CFDP1: variants seen among roughly 807,000 people sequenced by gnomAD.
The protein encoded by CFDP1 is chromatin remodeling protein CFDP1, also known as heterochromatin-stabilizing protein CFDP1.
In CFDP1, 31 loss-of-function variants were observed where a neutral mutation model predicts 40.1. The observed-to-expected ratio is 0.77, with a 90% CI of 0.58 to 1.04. The LOEUF (loss-of-function observed/expected upper bound fraction) is 1.04, where lower values mean the gene tolerates loss of function less well. Ranked by LOEUF, CFDP1 falls within the 50% of genes least tolerant of loss-of-function variation. CFDP1 has a pLI of 0.00. For missense variants in CFDP1, 423 were observed against 343.4 expected (o/e 1.23, Z -1.83); for synonymous variants, 167 against 120.0 (o/e 1.39, Z -2.56).
At chr16:75,400,471 A>G (rs767898677) in intron 4 of CFDP1, among the ~76,000 whole-genome samples, 12 of 152,172 alleles carry the variant, frequency 7.9e-5, no homozygotes, top group Admixed American at 4.6e-4. Context: ...CTTTCGAGGT[A>G]GAGGAAAGGA....
At chr16:75,430,227 G>A (rs1003014628) in intron 1 of CFDP1, among the ~76,000 whole-genome samples, 51 of 150,380 alleles carry the variant, frequency 3.4e-4, no homozygotes, top group African/African-American at 1.2e-3. Flanking sequence ...CTGGAGTGCA[G>A]TGGCGCAACC....
intron 4 of CFDP1, among the ~76,000 whole-genome samples, chr16:75,395,428 A>G (rs968157816): frequency 6.6e-5 from 10 of 152,182 alleles, no homozygotes; most frequent in African/African-American, 2.4e-4. Context: ...TGGGAGGCCG[A>G]GGCAGGCGGA....
intron 5 of CFDP1, among the ~76,000 whole-genome samples, chr16:75,319,532 G>A (rs1480782106): frequency 6.6e-6 from 1 of 152,124 alleles, no homozygotes; most frequent in Non-Finnish European, 1.5e-5. Flanking sequence ...GCTCCTGCTA[G>A]GGTCCTGACT....
In CFDP1 at chr16:75,430,926, T is replaced by C. The variant is rs187195169; in HGVS notation, c.64+2363A>G. ...CACTTCCCATCATGGCCCAAAACAG[T>C]CTCTCAGGTTAAATGTTAAAGAGCC... is the stretch of plus-strand genomic sequence containing the variant. On this transcript the variant is annotated intron_variant, in intron 1 of 6. Coordinates refer to ENST00000283882, the MANE Select transcript of CFDP1 (RefSeq NM_006324.3). Among the ~76,000 whole-genome samples, 6 of 152,248 alleles carry C rather than the reference T, an allele frequency of 3.9e-5. No individual in the cohort carries two copies. In the East Asian group the frequency reaches 9.6e-4, roughly 24 times the overall value.
chr16:75,413,398 C>T (rs753557793), intron 2 of CFDP1, among the ~76,000 whole-genome samples: 3 of 151,800 alleles, frequency 2.0e-5, no homozygotes, highest in Non-Finnish European at 2.9e-5. Context: ...TTCATCACAA[C>T]AAGATGAGAA....
At chr16:75,358,377 A>C (rs1289052327) in intron 5 of CFDP1, among the ~76,000 whole-genome samples, 1 of 152,170 alleles carries the variant, frequency 6.6e-6, no homozygotes, top group Non-Finnish European at 1.5e-5. Flanking sequence ...TGAAATAATA[A>C]TCTCTTCAGA....
intron 1 of CFDP1, among the ~76,000 whole-genome samples, chr16:75,422,719 T>C (rs1433936055): frequency 2.8e-5 from 4 of 141,474 alleles, no homozygotes; most frequent in African/African-American, 1.1e-4. Context: ...AAAACTGTGA[T>C]CAAAAAAAAA....
intron 5 of CFDP1, among the ~76,000 whole-genome samples, chr16:75,389,902 A>G (rs1268414932): frequency 6.6e-6 from 1 of 152,178 alleles, no homozygotes; most frequent in Non-Finnish European, 1.5e-5. Context: ...GCTTTTTGAG[A>G]TGCATTTCAT....
At chr16:75,399,350 G>C (rs540384231) in intron 4 of CFDP1, among the ~76,000 whole-genome samples, 2 of 152,180 alleles carry the variant, frequency 1.3e-5, no homozygotes, top group Admixed American at 1.3e-4. Context: ...CCTTGCTCTG[G>C]GTAGAATCTG....
chr16:75,348,277 T>C (rs2078584155), intron 5 of CFDP1, among the ~76,000 whole-genome samples: 1 of 152,188 alleles, frequency 6.6e-6, no homozygotes. Flanking sequence ...ACTGCAGGTG[T>C]GAACCATGCT....
intron 5 of CFDP1, among the ~76,000 whole-genome samples, chr16:75,333,033 C>G (rs1248116791): frequency 1.3e-5 from 2 of 151,826 alleles, no homozygotes; most frequent in East Asian, 3.9e-4. Context: ...GTCTCGAACT[C>G]CTAACCTCAG....
chr16:75,420,653 A>G (rs968821803), intron 1 of CFDP1, among the ~76,000 whole-genome samples: 1 of 152,256 alleles, frequency 6.6e-6, no homozygotes, highest in African/African-American at 2.4e-5. Context: ...TGATCTATAT[A>G]TAAGATAAAA....
intron 5 of CFDP1, among the ~76,000 whole-genome samples, chr16:75,344,658 G>C (rs2151522045): frequency 6.6e-6 from 1 of 152,302 alleles, no homozygotes; most frequent in East Asian, 1.9e-4. Flanking sequence ...TCCTGGCTGG[G>C]CACAGTGGCT....
In CFDP1 at chr16:75,418,801, T is replaced by C. The variant is rs75872609; in HGVS notation, c.65-4106A>G. ...AAGCACAAGGTAAAACCAGGACATT[T>C]TTCTGTGCCAGGAAGTCAGGAAGCT... is the stretch of plus-strand genomic sequence containing the variant. On this transcript the variant is annotated intron_variant, in intron 1 of 6. Coordinates refer to ENST00000283882, the MANE Select transcript of CFDP1 (RefSeq NM_006324.3). 5.3e-3 allele frequency among the ~76,000 whole-genome samples: 801 copies of C among 151,092 alleles called. 8 individuals carry two copies. The highest frequency in any genetic ancestry group is 0.019 in the African/African-American group (777 of 41,250).
At position 75,414,650 on chromosome 16, in the gene CFDP1, T is replaced by A. The variant is rs758852963; in HGVS notation, c.110A>T (p.Asp37Val). The A allele has an allele frequency of 1.2e-6, 2 of 1,613,860 alleles. No homozygotes were observed. Among genetic ancestry groups the A allele is most frequent in the East Asian group, 4.5e-5 (2 of 44,860 alleles). The change falls in exon 2 of 7, where the codon GAT becomes GTT. Residue 37 changes from aspartate (D) to valine (V), a missense_variant. Physicochemically the swap from Asp to Val is radical, Grantham distance 152. Coordinates refer to ENST00000283882, the MANE Select transcript of CFDP1 (RefSeq NM_006324.3). Reference sequence around the variant, plus strand: ...TGTCTGCTCTTCACCATCCACTTCATCTTCCTTCACTAATTCATTTACATC... The same window carrying A: ...TGTCTGCTCTTCACCATCCACTTCAACTTCCTTCACTAATTCATTTACATC... ...EDDVNELVKE[D>V]EVDGEEQTQK... is the part of the protein sequence containing the mutation.
At chr16:75,355,862 T>A (rs1224428072) in intron 5 of CFDP1, among the ~76,000 whole-genome samples, 1 of 152,240 alleles carries the variant, frequency 6.6e-6, no homozygotes, top group Non-Finnish European at 1.5e-5. Context: ...GAGAGTCAAT[T>A]AAATCTCTTT....
intron 2 of CFDP1, among the ~76,000 whole-genome samples, chr16:75,413,315 T>C (rs1369001402): frequency 6.6e-6 from 1 of 152,146 alleles, no homozygotes; most frequent in East Asian, 1.9e-4. Flanking sequence ...ACACCTGTAA[T>C]CCCAGCACTC....
intron 5 of CFDP1, among the ~76,000 whole-genome samples, chr16:75,358,372 T>C (rs1290620321): frequency 6.6e-6 from 1 of 152,218 alleles, no homozygotes; most frequent in African/African-American, 2.4e-5. Context: ...TTTTCTGAAA[T>C]AATAATCTCT....
At chr16:75,301,109 AG>A (rs1417699418) in intron 6 of CFDP1, among the ~76,000 whole-genome samples, 1 of 152,196 alleles carries the variant, frequency 6.6e-6, no homozygotes, top group East Asian at 1.9e-4. Context: ...AAGAAAAGCG[AG>A]CACAGGACTC....
Sources: allele counts gnomAD v4.1 joint callset (sites outside exome capture counted in the v4.1 genomes callset), GRCh38; gene constraint gnomAD v4.1.1; transcripts MANE v1.5; gene names NCBI Gene and HGNC (gene_info 2026-07-23, HGNC 2026-07-21).